Variants in MSH4 observed in about 807,000 individuals in gnomAD.
MSH4 encodes mutS homolog 4.
MSH4 carries 106 observed loss-of-function variants against 113.7 expected under a neutral mutation model. The ratio of observed to expected loss-of-function variants is 0.93; its 90% CI spans 0.80 to 1.10. The LOEUF is 1.10. Ranked by LOEUF, MSH4 falls within the 50% of genes least tolerant of loss-of-function variation. The pLI is 0.00. For missense variants in MSH4, 1,061 were observed against 1,093.7 expected (o/e 0.97, Z 0.42); for synonymous variants, 368 against 380.2 (o/e 0.97, Z 0.37).
intron 6 of MSH4, among the ~76,000 whole-genome samples, chr1:75,819,394 G>A (rs1650359712): frequency 6.6e-6 from 1 of 152,140 alleles, no homozygotes. Flanking sequence ...GGAGGCTGAG[G>A]CATGAGAATC....
At chr1:75,897,843 T>C in intron 17 of MSH4, 64 bp from the exon 18 acceptor site, 6 of 1,089,714 alleles carry the variant, frequency 5.5e-6, no homozygotes, top group Non-Finnish European at 7.3e-6. Flanking sequence ...GTTCACATAG[T>C]TAAAATAGAA....
intron 10 of MSH4, among the ~76,000 whole-genome samples, chr1:75,877,926 G>T (rs970464292): frequency 1.3e-5 from 2 of 152,088 alleles, no homozygotes; most frequent in Non-Finnish European, 2.9e-5. Flanking sequence ...AATTGTTTTT[G>T]GGGTCCTGAT....
rs1320252055 is a variant in MSH4, at chr1:75,816,248, C to A, written c.816-125C>A. ...ACCTAGTTTTCAAAAATATGAAATA[C>A]CTGGTGTACCTTTTCCTTTTGAGTT... On this transcript the variant is annotated intron_variant, in intron 5 of 19. Transcript: ENST00000263187. 1.4e-5 allele frequency: 7 copies of A among 500,284 alleles called. No homozygotes were observed. In the East Asian group the frequency reaches 1.8e-4, roughly 13 times the overall value. The allele number at this position is 500,284 out of a possible 1,614,324, so 31.0% of individuals were successfully genotyped here.
intron 7 of MSH4, among the ~76,000 whole-genome samples, chr1:75,842,123 A>G (rs539256413): frequency 1.3e-5 from 2 of 152,324 alleles, no homozygotes; most frequent in African/African-American, 4.8e-5. Flanking sequence ...AGGCAGGACA[A>G]CTCAAAGCAG....
intron 9 of MSH4, among the ~76,000 whole-genome samples, chr1:75,876,047 A>T (rs1175655252): frequency 2.0e-5 from 3 of 152,172 alleles, no homozygotes; most frequent in Admixed American, 1.3e-4. Flanking sequence ...TACATGAAAC[A>T]TAAATGAATT....
intron 17 of MSH4, among the ~76,000 whole-genome samples, chr1:75,891,724 G>T (rs1005156214): frequency 1.3e-5 from 2 of 152,124 alleles, no homozygotes; most frequent in African/African-American, 4.8e-5. Context: ...AAAGTGCTGT[G>T]ATTGCAGGCT....
chr1:75,852,603 A>C lies in MSH4; in HGVS notation c.1230+4327A>C, dbSNP rs1428420544. Among the ~76,000 whole-genome samples, 4 of 152,114 alleles carry C rather than the reference A, an allele frequency of 2.6e-5. 1 individual carries two copies. The highest frequency in any genetic ancestry group is 9.7e-5 in the African/African-American group (4 of 41,416). On this transcript the variant is annotated intron_variant, in intron 8 of 19. Transcript: ENST00000263187. ...CGGGTGTCTCATGGTTTTGGTATAC[A>C]TTTCCATGATGACTGACAATGTCGA...
rs775023850 is a variant in MSH4 at position 75,806,235 on chromosome 1, G to GTTTTTTTTTTTTTTT, written c.428-730_428-716dup. 3.3e-5 allele frequency among the ~76,000 whole-genome samples: 2 copies of GTTTTTTTTTTTTTTT among 60,748 alleles called. 1 individual carries two copies. Among genetic ancestry groups the GTTTTTTTTTTTTTTT allele is most frequent in the East Asian group, 1.1e-3 (2 of 1,838 alleles). 39.9% of individuals were successfully genotyped at this position (60,748 alleles called of 152,430 possible). A position where few individuals can be genotyped will look rare whatever the true frequency, so the allele number is the denominator to read the frequency against. ...AATATTTTGATGACTTTTCTGTTTG[G>GTTTTTTTTTTTTTTT]TTTTTTTTTTTTTTTTTTTTTTTTT... On this transcript the variant is annotated intron_variant, in intron 2 of 19. Transcript: ENST00000263187.
chr1:75,856,058 A>C (rs1212171442), intron 8 of MSH4, among the ~76,000 whole-genome samples: 1 of 152,176 alleles, frequency 6.6e-6, no homozygotes, highest in Non-Finnish European at 1.5e-5. Context: ...TAAATTAGGA[A>C]AAAAATATCA....
chr1:75,865,083 T>C (rs1448759723), intron 8 of MSH4, among the ~76,000 whole-genome samples: 1 of 152,024 alleles, frequency 6.6e-6, no homozygotes, highest in Non-Finnish European at 1.5e-5. Flanking sequence ...TGGAGACAAA[T>C]TGGTTACTTG....
At chr1:75,843,999 T>G (rs866293172) in intron 7 of MSH4, among the ~76,000 whole-genome samples, 4 of 152,010 alleles carry the variant, frequency 2.6e-5, no homozygotes, top group Non-Finnish European at 5.9e-5. Flanking sequence ...TTAGTAGAGA[T>G]GGGGTTTCTC....
At chr1:75,815,561 A>G (rs941819150) in intron 5 of MSH4, among the ~76,000 whole-genome samples, 1 of 152,212 alleles carries the variant, frequency 6.6e-6, no homozygotes, top group Non-Finnish European at 1.5e-5. Flanking sequence ...TAACAGATTC[A>G]GCATGAGACA....
At chr1:75,870,835 A>C (rs1222034837) in intron 9 of MSH4, among the ~76,000 whole-genome samples, 4 of 152,212 alleles carry the variant, frequency 2.6e-5, no homozygotes, top group African/African-American at 4.8e-5. Flanking sequence ...GACTTCAAAA[A>C]TGTTTTCACC....
chr1:75,867,174 G>A (rs1385576830), intron 8 of MSH4, among the ~76,000 whole-genome samples: 2 of 152,134 alleles, frequency 1.3e-5, no homozygotes, highest in Admixed American at 6.6e-5. Flanking sequence ...AATACTCTTT[G>A]TGCCTTTTTC....
At chr1:75,801,568 CAAA>C (rs35300428) in intron 1 of MSH4, among the ~76,000 whole-genome samples, 6 of 112,770 alleles carry the variant, frequency 5.3e-5, no homozygotes, top group East Asian at 3.0e-4. Flanking sequence ...AACTCCATCT[CAAA>C]AAAAAAAAAA....
intron 7 of MSH4, among the ~76,000 whole-genome samples, chr1:75,831,664 A>G (rs1234134944): frequency 6.6e-6 from 1 of 152,236 alleles, no homozygotes; most frequent in Non-Finnish European, 1.5e-5. Context: ...TGGAAACTGA[A>G]CAACCTGCTC....
At chr1:75,892,390 CTCTCTT>C (rs1382125909) in intron 17 of MSH4, among the ~76,000 whole-genome samples, 2 of 151,516 alleles carry the variant, frequency 1.3e-5, no homozygotes, top group Non-Finnish European at 2.9e-5. Context: ...CTCTCTCTCT[CTCTCTT>C]TCTCTCTCTC....
At chr1:75,893,349 G>A (rs1028080365) in intron 17 of MSH4, among the ~76,000 whole-genome samples, 2 of 152,258 alleles carry the variant, frequency 1.3e-5, no homozygotes, top group African/African-American at 2.4e-5. Context: ...TACAACACAA[G>A]TTGAACTCCC....
At chr1:75,893,202 G>A (rs914963214) in intron 17 of MSH4, among the ~76,000 whole-genome samples, 1 of 152,134 alleles carries the variant, frequency 6.6e-6, no homozygotes, top group African/African-American at 2.4e-5. Context: ...TAACAAAAAA[G>A]CACCAAATTG....
Sources: gnomAD v4.1 joint callset for allele counts (sites outside exome capture counted in the v4.1 genomes callset) on GRCh38, gnomAD v4.1.1 for gene constraint, MANE v1.5 for transcripts, NCBI Gene and HGNC (gene_info 2026-07-23, HGNC 2026-07-21) for gene names.